Variants in NEGR1 observed in about 807,000 individuals in gnomAD.
NEGR1 encodes neuronal growth regulator 1, also known as IgLON family member 4.
In NEGR1, 10 loss-of-function variants were observed where a neutral mutation model predicts 40.9. The ratio of observed to expected loss-of-function variants is 0.24; its 90% CI spans 0.15 to 0.42. The LOEUF is 0.42. Ranked by LOEUF, NEGR1 falls within the 10% of genes least tolerant of loss-of-function variation. NEGR1 has a pLI of 1.00. For missense variants in NEGR1, 352 were observed against 438.9 expected, an observed-to-expected ratio of 0.80 and a Z score of 1.77; for synonymous variants, 185 against 166.8, an observed-to-expected ratio of 1.11 and a Z score of -0.84.
intron 3 of NEGR1, among the ~76,000 whole-genome samples, chr1:71,759,176 T>C (rs868015349): frequency 1.6e-4 from 24 of 151,946 alleles, no homozygotes; most frequent in African/African-American, 5.3e-4. Flanking sequence ...CGGATACTTA[T>C]AGTATCCATC....
intron 2 of NEGR1, among the ~76,000 whole-genome samples, chr1:71,816,956 A>C (rs1658244597): frequency 6.6e-6 from 1 of 151,900 alleles, no homozygotes; most frequent in African/African-American, 2.4e-5. Flanking sequence ...ACTAGAAAAA[A>C]AAAAATGACA....
intron 6 of NEGR1, among the ~76,000 whole-genome samples, chr1:71,560,954 A>G (rs1376071384): frequency 1.3e-5 from 2 of 151,594 alleles, no homozygotes; most frequent in Non-Finnish European, 3.0e-5. Context: ...TCCACTTCAT[A>G]CTTGCTTATG....
intron 6 of NEGR1, among the ~76,000 whole-genome samples, chr1:71,493,255 T>A (rs1465168987): frequency 6.6e-6 from 1 of 152,074 alleles, no homozygotes; most frequent in Non-Finnish European, 1.5e-5. Context: ...ACCCACCGAA[T>A]TCTAAAATAG....
rs1256849579 is a variant in NEGR1, at chr1:71,983,996, CA to C, written c.177-48686del. On this transcript the variant is annotated intron_variant, in intron 1 of 6. Transcript: ENST00000357731. ...AAGGAGTCTCAAAACTTTCATTAAT[CA>C]AACTATGAAATTAATAAAATGTGTC... 4.2e-5 allele frequency among the ~76,000 whole-genome samples: 5 copies of C among 117,902 alleles called. 1 individual carries two copies. Among genetic ancestry groups the C allele is most frequent in the African/African-American group, 1.3e-4 (5 of 37,254 alleles). 77.3% of individuals were successfully genotyped at this position (117,902 alleles called of 152,430 possible).
At chr1:72,047,483 A>G (rs1228835802) in intron 1 of NEGR1, among the ~76,000 whole-genome samples, 1 of 151,428 alleles carries the variant, frequency 6.6e-6, no homozygotes, top group Non-Finnish European at 1.5e-5. Context: ...TTTAATATAA[A>G]AATTAATGTA....
chr1:72,107,458 A>C lies in NEGR1; in HGVS notation c.177-172147T>G, dbSNP rs1196398085. Among the ~76,000 whole-genome samples, 7 of 151,698 alleles carry C rather than the reference A, an allele frequency of 4.6e-5. No individual in the cohort carries two copies. The East Asian group carries it at 5.8e-4, about 13-fold the overall frequency. On this transcript the variant is annotated intron_variant, in intron 1 of 6. Transcript: ENST00000357731. ...AATTTTAAAATATGCTAAACACTTT[A>C]ACCTACTTAAACCCAAGTTTGTTAT...
At chr1:71,456,628 G>A (rs147635125) in intron 6 of NEGR1, among the ~76,000 whole-genome samples, 237 of 152,254 alleles carry the variant, frequency 1.6e-3, no homozygotes, top group Middle Eastern at 3.4e-3. Context: ...TGACATACTT[G>A]TAGGAGAGTT....
At chr1:71,535,108 T>G (rs1051684456) in intron 6 of NEGR1, among the ~76,000 whole-genome samples, 1 of 151,734 alleles carries the variant, frequency 6.6e-6, no homozygotes, top group African/African-American at 2.4e-5. Flanking sequence ...GAAAACATTT[T>G]ATAATTCAAA....
intron 6 of NEGR1, among the ~76,000 whole-genome samples, chr1:71,543,954 C>T (rs983712136): frequency 6.6e-6 from 1 of 151,534 alleles, no homozygotes; most frequent in Non-Finnish European, 1.5e-5. Flanking sequence ...TATATGAAGT[C>T]AAAACTTTTT....
intron 1 of NEGR1, among the ~76,000 whole-genome samples, chr1:71,994,384 C>T (rs1282842722): frequency 2.0e-5 from 3 of 151,750 alleles, no homozygotes; most frequent in Non-Finnish European, 4.4e-5. Context: ...AAAAATTAGC[C>T]GGGCGTGGTG....
At chr1:72,003,876 T>A (rs1646579717) in intron 1 of NEGR1, among the ~76,000 whole-genome samples, 1 of 152,166 alleles carries the variant, frequency 6.6e-6, no homozygotes, top group Non-Finnish European at 1.5e-5. Flanking sequence ...AGCATTGTAC[T>A]GTTAACCCAG....
chr1:71,971,263 A>G (rs1258686866), intron 1 of NEGR1, among the ~76,000 whole-genome samples: 1 of 152,212 alleles, frequency 6.6e-6, no homozygotes, highest in Non-Finnish European at 1.5e-5. Flanking sequence ...CAGAACTTCA[A>G]GAGAACATTT....
intron 1 of NEGR1, among the ~76,000 whole-genome samples, chr1:71,953,243 C>T (rs1326184816): frequency 1.3e-5 from 2 of 151,900 alleles, no homozygotes; most frequent in African/African-American, 2.4e-5. Flanking sequence ...GGAAAGGATT[C>T]TCCATTCCAG....
chr1:72,174,954 T>TTTTTA (rs565220769), intron 1 of NEGR1, among the ~76,000 whole-genome samples: 18 of 151,898 alleles, frequency 1.2e-4, no homozygotes, highest in Admixed American at 1.3e-4. Context: ...TGATATTTTC[T>TTTTTA]TTTTATTTTA....
intron 2 of NEGR1, among the ~76,000 whole-genome samples, chr1:71,778,739 T>C (rs573251396): frequency 2.0e-5 from 3 of 152,308 alleles, no homozygotes; most frequent in Non-Finnish European, 4.4e-5. Context: ...AATAATGAAA[T>C]GCCATAAGAA....
intron 1 of NEGR1, among the ~76,000 whole-genome samples, chr1:72,064,098 T>A (rs1053626640): frequency 6.6e-6 from 1 of 151,992 alleles, no homozygotes; most frequent in Non-Finnish European, 1.5e-5. Flanking sequence ...CTTCTTGCAT[T>A]TGTTTTACTC....
At chr1:71,780,441 A>C (rs1222603843) in intron 2 of NEGR1, among the ~76,000 whole-genome samples, 2 of 152,228 alleles carry the variant, frequency 1.3e-5, no homozygotes, top group Non-Finnish European at 2.9e-5. Context: ...AAATCACAGA[A>C]TATCTCCTAG....
intron 6 of NEGR1, among the ~76,000 whole-genome samples, chr1:71,591,341 A>T (rs1649492618): frequency 6.6e-6 from 1 of 152,156 alleles, no homozygotes; most frequent in Admixed American, 6.5e-5. Flanking sequence ...AAATGTTTAC[A>T]CAAGTGGCAT....
chr1:71,618,379 A>C (rs1650509521), intron 4 of NEGR1, among the ~76,000 whole-genome samples: 1 of 152,054 alleles, frequency 6.6e-6, no homozygotes, highest in Non-Finnish European at 1.5e-5. Flanking sequence ...AAATCTCCAT[A>C]AGTTCTGGAT....
Sources: allele counts gnomAD v4.1 joint callset (sites outside exome capture counted in the v4.1 genomes callset), GRCh38; gene constraint gnomAD v4.1.1; transcripts MANE v1.5; gene names NCBI Gene and HGNC (gene_info 2026-07-23, HGNC 2026-07-21).